Variants in PCDHGA2 observed in about 807,000 individuals in gnomAD.
The protein encoded by PCDHGA2 is protocadherin gamma-A2.
A neutral mutation model predicts 59.2 loss-of-function variants in PCDHGA2; 40 were observed. The observed-to-expected ratio is 0.68, with a 90% CI of 0.52 to 0.88. The LOEUF (loss-of-function observed/expected upper bound fraction) is 0.88, where lower values mean the gene tolerates loss of function less well. PCDHGA2 is among the 40% of genes least tolerant of loss of function. The pLI, the probability that PCDHGA2 is intolerant of heterozygous loss-of-function variation, is 0.00. For synonymous variants in PCDHGA2, 560 were observed against 526.0 expected (o/e 1.06, Z -0.89); for missense variants, 1,226 against 1,204.0 (o/e 1.02, Z -0.27).
Position 141,341,344 on chromosome 5 carries a change from A to ACTTGAAGACAAAAAGGAACCATTTTC in PCDHGA2, c.2373_2374insCTTGAAGACAAAAAGGAACCATTTTC (p.Ser792LeufsTer69). On this transcript the variant is annotated frameshift_variant, in exon 1 of 4. Coordinates refer to ENST00000394576, the MANE Select transcript of PCDHGA2 (RefSeq NM_018915.4). LOFTEE classifies it high-confidence loss of function. ...AGAGCTGTGAGAAAAAGGATTTTTT[A>ACTTGAAGACAAAAAGGAACCATTTTC]TCAGCGCCTCAATCTCTACTCGAAG... 1 of 1,614,132 alleles carries ACTTGAAGACAAAAAGGAACCATTTTC rather than the reference A, an allele frequency of 6.2e-7. No homozygotes were observed. The highest frequency in any genetic ancestry group is 8.5e-7 in the Non-Finnish European group (1 of 1,180,040).
At chr5:141,499,557 C>G (rs972965979) in intron 2 of PCDHGA2, among the ~76,000 whole-genome samples, 1 of 152,192 alleles carries the variant, frequency 6.6e-6, no homozygotes, top group African/African-American at 2.4e-5. Context: ...TATGATACCA[C>G]TATCCAGCTT....
At chr5:141,421,828 C>T in intron 1 of PCDHGA2, 1 of 1,613,796 alleles carries the variant, frequency 6.2e-7, no homozygotes, top group Non-Finnish European at 8.5e-7. Context: ...GGAGGGAAGC[C>T]TGGACCGAGA....
intron 1 of PCDHGA2, among the ~76,000 whole-genome samples, chr5:141,454,980 T>A (rs1049733405): frequency 9.3e-5 from 14 of 151,310 alleles, no homozygotes; most frequent in African/African-American, 2.4e-4. Context: ...GCTAATTTTT[T>A]AAAAAATATT....
At position 141,491,660 on chromosome 5, in the gene PCDHGA2, C is replaced by A; in HGVS notation, c.2425-3147C>A. ...ACAGCTCTGGCGCTGGAGCCTGACGCCATCCGGTCCCGCTCTAATACGCTG... is the reference window on the plus strand; with the variant it reads ...ACAGCTCTGGCGCTGGAGCCTGACGACATCCGGTCCCGCTCTAATACGCTG... On this transcript the variant is annotated intron_variant, in intron 1 of 3. Transcript: ENST00000394576. The surrounding 1 kb of genome is among the most constrained non-coding windows in gnomAD (Gnocchi z 6.9). The A allele has an allele frequency of 6.2e-7, 1 of 1,613,810 alleles. No individual in the cohort carries two copies. The highest frequency in any genetic ancestry group is 8.5e-7 in the Non-Finnish European group (1 of 1,180,008).
At position 141,401,132 on chromosome 5, in the gene PCDHGA2, A is replaced by G. The variant is rs534048041; in HGVS notation, c.2424+59737A>G. Among the ~76,000 whole-genome samples, 4 of 152,344 alleles carry G rather than the reference A, an allele frequency of 2.6e-5. No homozygotes were observed. In the South Asian group the frequency reaches 8.3e-4, roughly 32 times the overall value. ...GCCGAGGCGGTTGGATCACATGGTCAGGAGTTCAAGACCAGCCTGGGCAAT... is the reference window on the plus strand; with the variant it reads ...GCCGAGGCGGTTGGATCACATGGTCGGGAGTTCAAGACCAGCCTGGGCAAT... On this transcript the variant is annotated intron_variant, in intron 1 of 3. Coordinates refer to ENST00000394576, the MANE Select transcript of PCDHGA2 (RefSeq NM_018915.4).
intron 1 of PCDHGA2, chr5:141,405,129 G>C: frequency 6.2e-7 from 1 of 1,613,964 alleles, no homozygotes. Flanking sequence ...CATCTGCTGC[G>C]GGCTACCAGT....
chr5:141,449,994 G>T (rs2098661673), intron 1 of PCDHGA2, among the ~76,000 whole-genome samples: 2 of 131,786 alleles, frequency 1.5e-5, no homozygotes, highest in Admixed American at 7.9e-5. Context: ...ATTGCATTTA[G>T]TTGCCATGTC....
In PCDHGA2 at chr5:141,487,678, C is replaced by T. The variant is rs1416406108; in HGVS notation, c.2425-7129C>T. ...ATTCTGATCCAGGCATATGGCTAGG[C>T]CATGTCCTAGAGAGTACTGGCCTCT... On this transcript the variant is annotated intron_variant, in intron 1 of 3. Transcript: ENST00000394576. The surrounding 1 kb of genome is among the most constrained non-coding windows in gnomAD (Gnocchi z 5.0). 6.2e-7 allele frequency: 1 copy of T among 1,609,696 alleles called. No individual in the cohort carries two copies. Among genetic ancestry groups the T allele is most frequent in the South Asian group, 1.1e-5 (1 of 90,230 alleles).
intron 2 of PCDHGA2, among the ~76,000 whole-genome samples, chr5:141,498,112 AG>A (rs947089103): frequency 2.0e-5 from 3 of 152,232 alleles, no homozygotes; most frequent in African/African-American, 7.2e-5. Flanking sequence ...GGCGTATAAT[AG>A]GGATTTGATT....
chr5:141,370,637 TG>T (rs1257063256), intron 1 of PCDHGA2: 1 of 1,613,770 alleles, frequency 6.2e-7, no homozygotes, highest in Non-Finnish European at 8.5e-7. Flanking sequence ...GCCCCGAAAA[TG>T]GGAACTTACT....
intron 1 of PCDHGA2, chr5:141,412,841 G>C (rs1285924844): frequency 4.9e-6 from 1 of 205,932 alleles, no homozygotes; most frequent in East Asian, 1.1e-4. Flanking sequence ...AAAGATAGGA[G>C]TGGAGAAACC....
chr5:141,494,936 G>C, intron 2 of PCDHGA2, 71 bp downstream of exon 2: 1 of 1,612,574 alleles, frequency 6.2e-7, no homozygotes, highest in South Asian at 1.1e-5. Flanking sequence ...GGAGGAGATG[G>C]GGGAGGGCCC....
At chr5:141,398,061 A>G (rs541058758) in intron 1 of PCDHGA2, 863 of 1,544,254 alleles carry the variant, frequency 5.6e-4, no homozygotes, top group Middle Eastern at 1.5e-3. Flanking sequence ...CCAAAAATCT[A>G]CAATACAGAG....
At chr5:141,506,863 G>A (rs1162975959) in intron 3 of PCDHGA2, among the ~76,000 whole-genome samples, 1 of 152,120 alleles carries the variant, frequency 6.6e-6, no homozygotes, top group Non-Finnish European at 1.5e-5. Context: ...GAGGACTGGT[G>A]GGTAGAGAAC....
At position 141,486,761 on chromosome 5, in the gene PCDHGA2, A is replaced by G. The variant is rs1368106682; in HGVS notation, c.2425-8046A>G. 1 of 1,614,114 alleles carries G rather than the reference A, an allele frequency of 6.2e-7. No homozygotes were observed. The highest frequency in any genetic ancestry group is 8.5e-7 in the Non-Finnish European group (1 of 1,180,056). ...ATCCTTTGACTATGAGCAAACCCAG[A>G]CACTGCAGTTTGAGGTGCAGGCCCG... On this transcript the variant is annotated intron_variant, in intron 1 of 3. Transcript: ENST00000394576. The surrounding 1 kb of genome is among the most constrained non-coding windows in gnomAD (Gnocchi z 5.0).
intron 1 of PCDHGA2, chr5:141,344,016 C>T (rs751916221): frequency 5.9e-6 from 9 of 1,513,064 alleles, no homozygotes; most frequent in Non-Finnish European, 1.8e-6. Flanking sequence ...TCAGAGAAAG[C>T]GATTCACCGA....
intron 1 of PCDHGA2, chr5:141,344,202 C>G (rs1267309332): frequency 6.2e-7 from 1 of 1,614,012 alleles, no homozygotes; most frequent in Non-Finnish European, 8.5e-7. Context: ...GCTAGAGCCC[C>G]GGGAGCTGGC....
chr5:141,404,764 C>A lies in PCDHGA2; in HGVS notation c.2424+63369C>A, dbSNP rs371618979. 152 of 1,613,920 alleles carry A rather than the reference C, an allele frequency of 9.4e-5. 1 individual carries two copies. In the African/African-American group the frequency reaches 1.6e-3, roughly 17 times the overall value. ...GAGACTCAGGCCAGAATGCTTGGCT[C>A]TCCTACCGCCTATTCAAGGCCAGTG... On this transcript the variant is annotated intron_variant, in intron 1 of 3. Coordinates refer to ENST00000394576, the MANE Select transcript of PCDHGA2 (RefSeq NM_018915.4).
chr5:141,489,732 C>CA lies in PCDHGA2; in HGVS notation c.2425-5073dup, dbSNP rs770971020. On this transcript the variant is annotated intron_variant, in intron 1 of 3. Transcript: ENST00000394576. This position sits in a 1 kb window ranked among gnomAD's most constrained non-coding sequence, Gnocchi z 4.5. ...GTGCCCAGGATCCGGATGTGGGCAC[C>CA]AATACTGTGAGCTTTTACACTCTAA... 4.3e-6 allele frequency: 7 copies of CA among 1,614,008 alleles called. No individual in the cohort carries two copies. Among genetic ancestry groups the CA allele is most frequent in the Non-Finnish European group, 5.9e-6 (7 of 1,180,002 alleles).
Sources: gnomAD v4.1 joint callset for allele counts (sites outside exome capture counted in the v4.1 genomes callset) on GRCh38, gnomAD v4.1.1 for gene constraint, Gnocchi (gnomAD v3.1) non-coding constraint, MANE v1.5 for transcripts, NCBI Gene and HGNC (gene_info 2026-07-23, HGNC 2026-07-21) for gene names.